Variants in MYO1C observed in about 807,000 individuals in gnomAD.
MYO1C encodes the protein myosin IC, also known as unconventional myosin-Ic.
A neutral mutation model predicts 150.8 loss-of-function variants in MYO1C; 104 were observed. The ratio of observed to expected loss-of-function variants is 0.69; its 90% CI spans 0.59 to 0.81. The LOEUF is 0.81. MYO1C is among the 30% of genes least tolerant of loss of function. The pLI, the probability that MYO1C is intolerant of heterozygous loss-of-function variation, is 0.00. For synonymous variants in MYO1C, 663 were observed against 579.9 expected, an observed-to-expected ratio of 1.14 and a Z score of -2.06; for missense variants, 1,504 against 1,435.0, an observed-to-expected ratio of 1.05 and a Z score of -0.78.
In MYO1C at chr17:1,470,694, G is replaced by A. The variant is rs749571953; in HGVS notation, c.2213-5C>T. ...AGGCAGCTTGGATCTTTGTGGCTGC[G>A]GTTGGGAAAGAAAGGCAATTGGCCA... On this transcript the variant is annotated splice_polypyrimidine_tract_variant and splice_region_variant and intron_variant, in intron 21 of 31. Coordinates refer to ENST00000648651, the MANE Select transcript of MYO1C (RefSeq NM_001080779.2). 7.5e-6 allele frequency: 12 copies of A among 1,602,216 alleles called. No individual in the cohort carries two copies. Among genetic ancestry groups the A allele is most frequent in the East Asian group, 2.2e-5 (1 of 44,842 alleles).
Position 1,467,828 on chromosome 17 carries a change from A to G in MYO1C, c.2967+12T>C, listed in dbSNP as rs1240695051. The G allele has an allele frequency of 3.9e-6, 6 of 1,556,160 alleles. No individual in the cohort carries two copies. Among genetic ancestry groups the G allele is most frequent in the Middle Eastern group, 1.9e-4 (1 of 5,250 alleles). On this transcript the variant is annotated intron_variant, in intron 29 of 31. Coordinates refer to ENST00000648651, the MANE Select transcript of MYO1C (RefSeq NM_001080779.2). ...CATCCCCCACCACTCCTCCCCATCC[A>G]TGAAAAGGCACCTTTTGCTTATTGT... is the stretch of plus-strand genomic sequence containing the variant.
intron 31 of MYO1C, among the ~76,000 whole-genome samples, 188 bp downstream of exon 31, chr17:1,467,054 C>T (rs1228046114): frequency 6.6e-6 from 1 of 152,182 alleles, no homozygotes; most frequent in Non-Finnish European, 1.5e-5. Context: ...CACCGTGCTG[C>T]CACCTTTACA....
At chr17:1,476,543 C>A (rs959495830) in intron 14 of MYO1C, among the ~76,000 whole-genome samples, 3 of 152,176 alleles carry the variant, frequency 2.0e-5, no homozygotes, top group Non-Finnish European at 4.4e-5. Flanking sequence ...AGCCCTGGCA[C>A]TGACCCCAGC....
At chr17:1,480,176 C>T (rs907458876) in intron 7 of MYO1C, among the ~76,000 whole-genome samples, 1 of 120,084 alleles carries the variant, frequency 8.3e-6, no homozygotes. Context: ...AAAGGGATTA[C>T]TGGCCCACGC....
rs1301531928 is a variant in MYO1C, at chr17:1,480,893, C to T, written c.628-8G>A. 1 of 1,613,434 alleles carries T rather than the reference C, an allele frequency of 6.2e-7. No homozygotes were observed. Among genetic ancestry groups the T allele is most frequent in the African/African-American group, 1.3e-5 (1 of 75,012 alleles). On this transcript the variant is annotated splice_region_variant and splice_polypyrimidine_tract_variant and intron_variant, in intron 5 of 31. Transcript: ENST00000648651. ...GCCACCCACGGGGGCACCCTGTGGGCAGGGCAGGGCATGAGGCCGGGTCAC... is the reference window on the plus strand; with the variant it reads ...GCCACCCACGGGGGCACCCTGTGGGTAGGGCAGGGCATGAGGCCGGGTCAC...
intron 1 of MYO1C, 150 bp downstream of exon 1, chr17:1,492,263 A>T: frequency 1.3e-6 from 1 of 759,288 alleles, no homozygotes. Context: ...TCTTCCACTC[A>T]CCCCGTCTTG....
At chr17:1,476,837 G>C (rs2074410863) in intron 14 of MYO1C, among the ~76,000 whole-genome samples, 1 of 150,850 alleles carries the variant, frequency 6.6e-6, no homozygotes, top group African/African-American at 2.5e-5. Flanking sequence ...CTAGTGTCTT[G>C]TTTTTTGTTT....
chr17:1,471,262 C>G lies in MYO1C; in HGVS notation c.2096G>C (p.Arg699Pro), dbSNP rs748378050. 5.6e-6 allele frequency: 9 copies of G among 1,613,958 alleles called. No individual in the cohort carries two copies. Among genetic ancestry groups the G allele is most frequent in the Admixed American group, 5.0e-5 (3 of 60,022 alleles). The stretch of plus-strand genomic sequence containing the variant: ...CTCTTCTGGCTTGTAGCCCAGGTGT[C>G]GGACCAGCACAGCCACCCCATCCTG... ...RPQDGVAVLV[R>P]HLGYKPEEYK... The change falls in exon 20 of 32, where the codon CGA becomes CCA. Residue 699 changes from arginine (R) to proline (P), a missense_variant. By Grantham distance (103) the Arg-to-Pro change is moderately radical (BLOSUM62 -2). Coordinates refer to ENST00000648651, the MANE Select transcript of MYO1C (RefSeq NM_001080779.2).
Position 1,467,581 on chromosome 17 carries a change from G to C in MYO1C, c.2968-4C>G, listed in dbSNP as rs1480378524. On this transcript the variant is annotated splice_region_variant and splice_polypyrimidine_tract_variant and intron_variant, in intron 29 of 31. Coordinates refer to ENST00000648651, the MANE Select transcript of MYO1C (RefSeq NM_001080779.2). The stretch of plus-strand genomic sequence containing the variant: ...CACTCTGCAGCACCACATCTCCCTG[G>C]GGGGCCAGGCAGGAGGAGGGGTCAG... The C allele has an allele frequency of 6.2e-7, 1 of 1,612,478 alleles. No homozygotes were observed. The highest frequency in any genetic ancestry group is 1.7e-5 in the Admixed American group (1 of 59,970).
intron 21 of MYO1C, 61 bp downstream of exon 21, chr17:1,471,010 G>T: frequency 6.4e-7 from 1 of 1,553,080 alleles, no homozygotes; most frequent in Non-Finnish European, 8.9e-7. Context: ...GCCCAAGGGA[G>T]TGACTTCCCT....
rs960993408 is a variant in MYO1C, at chr17:1,470,480, C to T, written c.2321G>A (p.Arg774Gln). The part of the protein sequence containing the change: ...IQSWWRGTLG[R>Q]RKAAKRKWAA... ...CCACTTCCTCTTGGCTGCCTTCCTC[C>T]GGCCCAGTGTTCCACGCCACCACGA... Residue 774 changes from arginine (R) to glutamine (Q), a missense_variant, in exon 23 of 32, where the codon CGG becomes CAG. Coordinates refer to ENST00000648651, the MANE Select transcript of MYO1C (RefSeq NM_001080779.2). 5.8e-6 allele frequency: 9 copies of T among 1,551,056 alleles called. No homozygotes were observed. Among genetic ancestry groups the T allele is most frequent in the African/African-American group, 4.1e-5 (3 of 73,094 alleles).
At position 1,485,000 on chromosome 17, in the gene MYO1C, C is replaced by G; in HGVS notation, c.76-697G>C. 3 of 810,962 alleles carry G rather than the reference C, an allele frequency of 3.7e-6. No individual in the cohort carries two copies. The South Asian group carries it at 4.2e-5, about 11-fold the overall frequency. 50.2% of individuals were successfully genotyped at this position (810,962 alleles called of 1,614,324 possible). On this transcript the variant is annotated intron_variant, in intron 1 of 31. Transcript: ENST00000648651. ...CCCAGCTGGGCTCAGCCACCCACTCCAGAACGCGGGGGAGGCCCTCCCTCG... is the reference window on the plus strand; with the variant it reads ...CCCAGCTGGGCTCAGCCACCCACTCGAGAACGCGGGGGAGGCCCTCCCTCG...
At chr17:1,467,375 G>A (rs2074195682) in intron 30 of MYO1C, 34 bp from the exon 31 acceptor site, 2 of 1,601,250 alleles carry the variant, frequency 1.2e-6, no homozygotes, top group South Asian at 2.2e-5. Flanking sequence ...GTTTTTCCAT[G>A]GAGGCAGACC....
chr17:1,485,559 C>T (rs1189855811), intron 1 of MYO1C: 6 of 693,724 alleles, frequency 8.6e-6, no homozygotes, highest in African/African-American at 1.9e-5. Context: ...GCCTCCTCCC[C>T]CTGCAACTTC....
rs750240363 is a variant in MYO1C at position 1,470,586 on chromosome 17, C to A, written c.2281+35G>T. 4.4e-6 allele frequency: 7 copies of A among 1,582,598 alleles called. No homozygotes were observed. The Admixed American group carries it at 1.2e-4, about 27-fold the overall frequency. On this transcript the variant is annotated intron_variant, in intron 22 of 31. Transcript: ENST00000648651. ...CATGGTGGCCCCCCCTGGCCCCAGA[C>A]CCCGCCCCTCCTGAACACCCATGGG...
intron 24 of MYO1C, among the ~76,000 whole-genome samples, chr17:1,469,866 C>T (rs956823284): frequency 7.2e-5 from 11 of 152,138 alleles, no homozygotes; most frequent in African/African-American, 2.2e-4. Flanking sequence ...GAAACCCCGT[C>T]TCTACTAAAA....
chr17:1,485,022 C>CT, intron 1 of MYO1C: 1 of 1,028,066 alleles, frequency 9.7e-7, no homozygotes, highest in African/African-American at 1.6e-5. Context: ...GAGGCCCTCC[C>CT]TCGCATGGCT....
At chr17:1,466,028 C>T (rs1026632726) in intron 31 of MYO1C, among the ~76,000 whole-genome samples, 3 of 152,072 alleles carry the variant, frequency 2.0e-5, no homozygotes, top group African/African-American at 7.2e-5. Context: ...TGGTCTCCAT[C>T]CTGGAGACTC....
intron 25 of MYO1C, 97 bp from the exon 26 acceptor site, chr17:1,468,593 C>A: frequency 5.2e-6 from 5 of 962,342 alleles, no homozygotes; most frequent in Non-Finnish European, 8.2e-6. Flanking sequence ...CTCCCTCACC[C>A]GCTTGCTGGT....
Sources: allele counts gnomAD v4.1 joint callset (sites outside exome capture counted in the v4.1 genomes callset), GRCh38; gene constraint gnomAD v4.1.1; transcripts MANE v1.5; gene names NCBI Gene and HGNC (gene_info 2026-07-23, HGNC 2026-07-21).